Variants in CHD8 observed in about 807,000 individuals in gnomAD.
CHD8 encodes the protein ATP-dependent chromatin remodeler CHD8.
In CHD8, 31 loss-of-function variants were observed where a neutral mutation model predicts 279.2. The ratio of observed to expected loss-of-function variants is 0.11; its 90% CI spans 0.08 to 0.15. CHD8 has a LOEUF of 0.15. Among genes scored for constraint, CHD8 ranks in the 10% least tolerant of loss-of-function variants. The pLI is 1.00. For synonymous variants in CHD8, 1,081 were observed against 1,139.6 expected (o/e 0.95, Z 1.04); for missense variants, 2,146 against 3,230.5 (o/e 0.66, Z 8.14).
intron 1 of CHD8, among the ~76,000 whole-genome samples, chr14:21,432,217 C>A (rs569492149): frequency 1.3e-5 from 2 of 152,184 alleles, no homozygotes; most frequent in South Asian, 4.1e-4. Flanking sequence ...TAGTAGAACT[C>A]AAAAATATGC....
chr14:21,453,997 TA>T (rs900330511), intron 1 of CHD8, among the ~76,000 whole-genome samples: 40 of 141,848 alleles, frequency 2.8e-4, no homozygotes, highest in Admixed American at 3.5e-4. Flanking sequence ...CTACTAAAAA[TA>T]AAAAAAAAAA....
At chr14:21,452,064 CAG>C (rs1420311766) in intron 1 of CHD8, among the ~76,000 whole-genome samples, 1 of 152,140 alleles carries the variant, frequency 6.6e-6, no homozygotes, top group Non-Finnish European at 1.5e-5. Context: ...TGTTTTGAGA[CAG>C]AGTCTCGCTC....
Position 21,404,528 on chromosome 14 carries a change from A to G in CHD8, c.3307+681T>C, listed in dbSNP as rs1033381684. 6.6e-5 allele frequency among the ~76,000 whole-genome samples: 10 copies of G among 152,236 alleles called. 1 individual carries two copies. Among genetic ancestry groups the G allele is most frequent in the African/African-American group, 2.4e-4 (10 of 41,456 alleles). On this transcript the variant is annotated intron_variant, in intron 16 of 37. Coordinates refer to ENST00000646647, the MANE Select transcript of CHD8 (RefSeq NM_001170629.2). Reference sequence around the variant, plus strand: ...ATGTGGACAAGGACTAAGATGGAACACACTATCAGCACCCAAAAGAGACAG... The same window carrying G: ...ATGTGGACAAGGACTAAGATGGAACGCACTATCAGCACCCAAAAGAGACAG...
rs780033495 is a variant in CHD8 at position 21,431,856 on chromosome 14, C to T, written c.-213G>A. ...ACGTCTTCAGAGGAAGATGGTGGAACTCCTGTTGTAGGAATACAAATACAA... is the reference window on the plus strand; with the variant it reads ...ACGTCTTCAGAGGAAGATGGTGGAATTCCTGTTGTAGGAATACAAATACAA... On this transcript the variant is annotated splice_region_variant and 5_prime_UTR_variant, in exon 2 of 38. Transcript: ENST00000646647. 4.4e-6 allele frequency: 7 copies of T among 1,607,416 alleles called. No homozygotes were observed. Among genetic ancestry groups the T allele is most frequent in the Non-Finnish European group, 1.7e-6 (2 of 1,173,888 alleles).
intron 37 of CHD8, 100 bp downstream of exon 37, chr14:21,390,847 A>G (rs1399778217): frequency 8.9e-6 from 6 of 677,578 alleles, no homozygotes; most frequent in Non-Finnish European, 1.5e-5. Flanking sequence ...AAACAAACAT[A>G]GGAAAAAAGA....
chr14:21,396,833 C>T (rs1887807209), intron 27 of CHD8: 1 of 152,430 alleles, frequency 6.6e-6, no homozygotes, highest in Non-Finnish European at 1.5e-5. Context: ...CTGTGGCCTC[C>T]CAAAGGGCTG....
intron 1 of CHD8, among the ~76,000 whole-genome samples, chr14:21,438,507 T>G (rs112177377): frequency 1.3e-5 from 1 of 79,216 alleles, no homozygotes; most frequent in Admixed American, 1.3e-4. Context: ...TAACACCTAG[T>G]CTCTTAAAAA....
chr14:21,397,874 G>T lies in CHD8; in HGVS notation c.5000C>A (p.Ala1667Glu). 2 of 1,613,292 alleles carry T rather than the reference G, an allele frequency of 1.2e-6. No homozygotes were observed. The highest frequency in any genetic ancestry group is 8.5e-7 in the Non-Finnish European group (1 of 1,179,514). The change falls in exon 27 of 38, where the codon GCA becomes GAA. Residue 1667 changes from alanine (A) to glutamate (E), a missense_variant. Physicochemically the swap from Ala to Glu is moderately radical, Grantham distance 107. This residue lies in a region of CHD8 where 75 missense variants were observed against 81.3 expected (regional missense o/e 0.92). Transcript: ENST00000646647. ...CAACACTCGATGTTCTGCTGCAATT[G>T]CTTTGTCATCTGGTCGGCCAGCCTT... ...LEKAGRPDDK[A>E]IAAEHRVLDN... is the part of the protein sequence containing the mutation.
chr14:21,392,248 C>T (rs1887579736), intron 34 of CHD8: 2 of 758,552 alleles, frequency 2.6e-6, no homozygotes, highest in South Asian at 2.7e-5. Flanking sequence ...CAACTCATCA[C>T]AGGGGCAAAA....
At chr14:21,443,874 A>C (rs1264729135) in intron 1 of CHD8, among the ~76,000 whole-genome samples, 1 of 151,848 alleles carries the variant, frequency 6.6e-6, no homozygotes, top group Non-Finnish European at 1.5e-5. Flanking sequence ...AAAAAAAAAA[A>C]AAAAACAACA....
intron 5 of CHD8, chr14:21,419,828 GC>G: frequency 2.7e-6 from 1 of 376,742 alleles, no homozygotes; most frequent in South Asian, 2.3e-5. Flanking sequence ...CGAGGGATCT[GC>G]CCACCATTCC....
chr14:21,410,711 G>A (rs1009162163), intron 10 of CHD8, among the ~76,000 whole-genome samples: 4 of 152,170 alleles, frequency 2.6e-5, no homozygotes, highest in Admixed American at 2.6e-4. Flanking sequence ...GAAGTATAAA[G>A]CAAGGATTAG....
In CHD8 at chr14:21,403,634, G is replaced by T; in HGVS notation, c.3337C>A (p.Arg1113Ser). 1 of 1,600,222 alleles carries T rather than the reference G, an allele frequency of 6.2e-7. No homozygotes were observed. The highest frequency in any genetic ancestry group is 8.5e-7 in the Non-Finnish European group (1 of 1,172,836). ...TGAGGTATAATATGGCAAGCTTCAC[G>T]GAATTCTGTTAGGATTTTTTCTTCA... Reference protein sequence around the residue: ...GAEEKILTEFREACHIIPHDF... With the variant: ...GAEEKILTEFSEACHIIPHDF... Residue 1113 changes from arginine (R) to serine (S), a missense_variant, in exon 17 of 38, where the codon CGT becomes AGT. Transcript: ENST00000646647. This position sits in a 1 kb window ranked among gnomAD's most constrained non-coding sequence, Gnocchi z 4.3.
Position 21,414,435 on chromosome 14 carries a change from A to G in CHD8, c.2025-17T>C. On this transcript the variant is annotated splice_polypyrimidine_tract_variant and intron_variant, in intron 8 of 37. Transcript: ENST00000646647. ...AGATAGGAGCTAAGGGGGATGGAAA[A>G]ATCCAGTCATGGTGCAAGTAAAAGA... The G allele has an allele frequency of 7.4e-7, 1 of 1,342,906 alleles. No individual in the cohort carries two copies. Among genetic ancestry groups the G allele is most frequent in the Non-Finnish European group, 1.0e-6 (1 of 956,856 alleles). 83.2% of individuals were successfully genotyped at this position (1,342,906 alleles called of 1,614,324 possible).
intron 20 of CHD8, 126 bp downstream of exon 20, chr14:21,401,831 C>G: frequency 2.3e-6 from 2 of 865,990 alleles, no homozygotes; most frequent in Non-Finnish European, 3.6e-6. Flanking sequence ...AGTGATCTGC[C>G]CGCCTCAGCC....
At position 21,400,487 on chromosome 14, in the gene CHD8, T is replaced by G. The variant is rs1217289500; in HGVS notation, c.4496A>C (p.Asn1499Thr). 3.7e-6 allele frequency: 6 copies of G among 1,611,044 alleles called. No individual in the cohort carries two copies. The highest frequency in any genetic ancestry group is 1.6e-4 in the Middle Eastern group (1 of 6,072). Residue 1499 changes from asparagine (N) to threonine (T), a missense_variant, in exon 23 of 38, where the codon AAT becomes ACT. Around this residue, in one of 26 missense-constraint regions of CHD8, gnomAD observed 73 missense variants for 153.2 expected, o/e 0.48. Coordinates refer to ENST00000646647, the MANE Select transcript of CHD8 (RefSeq NM_001170629.2). The surrounding 1 kb of genome is among the most constrained non-coding windows in gnomAD (Gnocchi z 4.2). ...YCLLHYRGDE[N>T]IKGFIWDLIS... ...CAAGTCCCAGATGAAGCCTTTAATA[T>G]TTTCATCCCCACGGTAGTGTAGAAG... is the stretch of plus-strand genomic sequence containing the variant.
chr14:21,401,545 A>C, intron 20 of CHD8, 32 bp from the exon 21 acceptor site: 1 of 1,160,646 alleles, frequency 8.6e-7, no homozygotes, highest in Non-Finnish European at 1.2e-6. Flanking sequence ...GGTAAAGCTG[A>C]CTTTTTTTTT....
In CHD8 at chr14:21,408,687, C is replaced by A. The variant is rs1429048164; in HGVS notation, c.2486+17G>T. The A allele has an allele frequency of 1.9e-6, 3 of 1,606,792 alleles. No individual in the cohort carries two copies. In the East Asian group the frequency reaches 6.7e-5, roughly 36 times the overall value. On this transcript the variant is annotated intron_variant, in intron 12 of 37. Coordinates refer to ENST00000646647, the MANE Select transcript of CHD8 (RefSeq NM_001170629.2). The surrounding 1 kb of genome is among the most constrained non-coding windows in gnomAD (Gnocchi z 4.3). Reference sequence around the variant, plus strand: ...CCAGAACTAAGCTTACATCTTATGGCCCATTCTTTCCTTTACCTGTTATAC... The same window carrying A: ...CCAGAACTAAGCTTACATCTTATGGACCATTCTTTCCTTTACCTGTTATAC...
intron 6 of CHD8, 24 bp downstream of exon 6, chr14:21,415,701 A>C: frequency 6.2e-7 from 1 of 1,613,180 alleles, no homozygotes; most frequent in Non-Finnish European, 8.5e-7. Context: ...CAATCCTCTG[A>C]AATCATTTGA....
Sources: gnomAD v4.1 joint callset for allele counts (sites outside exome capture counted in the v4.1 genomes callset) on GRCh38, gnomAD v4.1.1 for gene constraint, gnomAD v4.1.1 regional missense constraint, Gnocchi (gnomAD v3.1) non-coding constraint, MANE v1.5 for transcripts, NCBI Gene and HGNC (gene_info 2026-07-23, HGNC 2026-07-21) for gene names.